ABCC11: variants seen among roughly 807,000 people sequenced by gnomAD.
The protein encoded by ABCC11 is ATP-binding cassette sub-family C member 11.
Under a neutral mutation model 149.3 loss-of-function variants are expected in ABCC11, and 135 were observed. The ratio of observed to expected loss-of-function variants is 0.90; its 90% CI spans 0.79 to 1.04. The LOEUF (loss-of-function observed/expected upper bound fraction) is 1.04, where lower values mean the gene tolerates loss of function less well. Among genes scored for constraint, ABCC11 ranks in the 50% least tolerant of loss-of-function variants. ABCC11 has a pLI of 0.00. For missense variants in ABCC11, 1,680 were observed against 1,722.1 expected (o/e 0.98, Z 0.43); for synonymous variants, 665 against 671.4 (o/e 0.99, Z 0.15).
chr16:48,212,025 C>T (rs985745009), intron 10 of ABCC11, among the ~76,000 whole-genome samples: 1 of 152,174 alleles, frequency 6.6e-6, no homozygotes, highest in African/African-American at 2.4e-5. Context: ...TCTGCCCCCT[C>T]CACAGGTGAA....
Position 48,170,087 on chromosome 16 carries a change from C to A in ABCC11, c.3891+18G>T, listed in dbSNP as rs756725975. 2 of 1,599,950 alleles carry A rather than the reference C, an allele frequency of 1.3e-6. No individual in the cohort carries two copies. Among genetic ancestry groups the A allele is most frequent in the Non-Finnish European group, 1.7e-6 (2 of 1,168,306 alleles). On this transcript the variant is annotated intron_variant, in intron 28 of 29. Coordinates refer to ENST00000356608, the MANE Select transcript of ABCC11 (RefSeq NM_001370497.1). Reference sequence around the variant, plus strand: ...TAGTCTGTGGCTTCCCCTGGCCACACGGCAGTGGTGGCCTCACCTTGGAGT... The same window carrying A: ...TAGTCTGTGGCTTCCCCTGGCCACAAGGCAGTGGTGGCCTCACCTTGGAGT...
At chr16:48,187,137 A>T (rs1413935913) in intron 21 of ABCC11, 47 bp from the exon 22 acceptor site, 1 of 1,613,754 alleles carries the variant, frequency 6.2e-7, no homozygotes, top group Non-Finnish European at 8.5e-7. Context: ...CACCTCTGGG[A>T]CCATCTAGTC....
chr16:48,181,210 C>T (rs140944324), intron 23 of ABCC11, among the ~76,000 whole-genome samples: 68 of 152,308 alleles, frequency 4.5e-4, no homozygotes, highest in African/African-American at 1.5e-3. Flanking sequence ...TGGTGCCTCT[C>T]CCTGAGAGTG....
intron 1 of ABCC11, among the ~76,000 whole-genome samples, chr16:48,243,923 C>T (rs1971161254): frequency 6.6e-6 from 1 of 152,112 alleles, no homozygotes; most frequent in African/African-American, 2.4e-5. Context: ...ACCCGGGAGG[C>T]AGAGGCTGCA....
intron 1 of ABCC11, among the ~76,000 whole-genome samples, chr16:48,238,794 A>G (rs896122237): frequency 1.3e-5 from 2 of 151,694 alleles, no homozygotes; most frequent in African/African-American, 2.4e-5. Flanking sequence ...AAAATTAGCC[A>G]GGCTTGGTGG....
intron 11 of ABCC11, chr16:48,209,773 G>A (rs965022408): frequency 3.3e-5 from 5 of 152,038 alleles, no homozygotes; most frequent in African/African-American, 4.8e-5. Context: ...CTAAAATCTC[G>A]ACTTCACCAC....
In ABCC11 at chr16:48,216,210, G is replaced by T. The variant is rs138005798; in HGVS notation, c.855C>A (p.Cys285Ter). 13 of 1,614,062 alleles carry T rather than the reference G, an allele frequency of 8.1e-6. No homozygotes were observed. Among genetic ancestry groups the T allele is most frequent in the South Asian group, 7.7e-5 (7 of 91,088 alleles). Reference sequence around the variant, plus strand: ...AAATGCTGCAGATGACCAGCGATGCGCAGGTGATCAGTACTAGGGGTCCAT... The same window carrying T: ...AAATGCTGCAGATGACCAGCGATGCTCAGGTGATCAGTACTAGGGGTCCAT... ...VCYGPLVLITCASLVICSISS... is the reference protein window; with the variant it reads ...VCYGPLVLIT Residue 285 changes from cysteine (C) to a stop codon, truncating the protein, a stop_gained, in exon 7 of 30, where the codon TGC becomes TGA. Transcript: ENST00000356608. LOFTEE classifies it high-confidence loss of function.
At position 48,167,297 on chromosome 16, in the gene ABCC11, TG is replaced by T; in HGVS notation, c.4125del (p.Thr1376GlnfsTer6). ...KPGSLFAALMATATSSLR is the reference protein window; with the variant it reads ...KPGSLFAALMXTATSSLR Reference sequence around the variant, plus strand: ...CCTTATCTCAGTGAAGAAGTGGCTGTGGCCATGAGGGCTGCGAACAATGACC... The same window carrying T: ...CCTTATCTCAGTGAAGAAGTGGCTGTGCCATGAGGGCTGCGAACAATGACC... On this transcript the variant is annotated frameshift_variant, in exon 30 of 30. Coordinates refer to ENST00000356608, the MANE Select transcript of ABCC11 (RefSeq NM_001370497.1). LOFTEE classifies it high-confidence loss of function. 1.2e-6 allele frequency: 1 copy of T among 842,890 alleles called. No homozygotes were observed. The highest frequency in any genetic ancestry group is 2.1e-6 in the Non-Finnish European group (1 of 475,380). 52.2% of individuals were successfully genotyped at this position (842,890 alleles called of 1,614,324 possible).
At chr16:48,210,513 G>C in intron 11 of ABCC11, 1 of 164,554 alleles carries the variant, frequency 6.1e-6, no homozygotes, top group Non-Finnish European at 1.3e-5. Flanking sequence ...GAGGAGGGGC[G>C]AAGAGGAGAC....
chr16:48,235,897 A>G (rs896921414), intron 1 of ABCC11, among the ~76,000 whole-genome samples: 2 of 152,106 alleles, frequency 1.3e-5, no homozygotes, highest in Non-Finnish European at 2.9e-5. Context: ...ACAGGAGGGG[A>G]GCCACTGGAG....
chr16:48,246,684 C>T (rs886080861), intron 1 of ABCC11, among the ~76,000 whole-genome samples: 4 of 152,144 alleles, frequency 2.6e-5, no homozygotes, highest in Admixed American at 2.0e-4. Context: ...AAGTGATCGT[C>T]CTGCCTCAGC....
In ABCC11 at chr16:48,205,311, G is replaced by GTTAAA; in HGVS notation, c.1805+101_1805+102insTTTAA. ...GAATATGATAATGCGTTTAAGTGGA[G>GTTAAA]CACACAAGTGTTAGCAGTTGTCAGG... On this transcript the variant is annotated intron_variant, in intron 13 of 29. Coordinates refer to ENST00000356608, the MANE Select transcript of ABCC11 (RefSeq NM_001370497.1). 2.0e-6 allele frequency: 3 copies of GTTAAA among 1,485,686 alleles called. No individual in the cohort carries two copies. The South Asian group carries it at 3.7e-5, about 18-fold the overall frequency. The allele number at this position is 1,485,686 out of a possible 1,614,324, so 92.0% of individuals were successfully genotyped here.
chr16:48,178,584 A>G lies in ABCC11; in HGVS notation c.3348+13T>C, dbSNP rs2150739824. The G allele has an allele frequency of 1.2e-6, 2 of 1,613,772 alleles. No individual in the cohort carries two copies. The highest frequency in any genetic ancestry group is 1.7e-6 in the Non-Finnish European group (2 of 1,179,832). ...GCATGGCTCCCCACACCAGACCCAG[A>G]CCTGAACCCCACCTTCATGTACTGC... On this transcript the variant is annotated intron_variant, in intron 24 of 29. Transcript: ENST00000356608.
Position 48,198,247 on chromosome 16 carries a change from A to G in ABCC11, c.2111T>C (p.Leu704Ser). 2 of 1,614,264 alleles carry G rather than the reference A, an allele frequency of 1.2e-6. No individual in the cohort carries two copies. ...TTCACAGATTTTCCCATTTTCCAAC[A>G]AAATGATCTGGCCACAAAATTCTAA... ...QYLEFCGQII[L>S]LENGKICENG... is the part of the protein sequence containing the mutation. Residue 704 changes from leucine (L) to serine (S), a missense_variant, in exon 16 of 30, where the codon TTG becomes TCG. Physicochemically the swap from Leu to Ser is moderately radical, Grantham distance 145 (BLOSUM62 -2). Coordinates refer to ENST00000356608, the MANE Select transcript of ABCC11 (RefSeq NM_001370497.1).
downstream of ABCC11, chr16:48,165,190 C>T (rs1797771362): frequency 2.0e-5 from 3 of 152,672 alleles, no homozygotes; most frequent in East Asian, 5.8e-4. Flanking sequence ...AGGAGAGTCA[C>T]CCTCAATGGG....
At chr16:48,196,170 G>T in intron 18 of ABCC11, 62 bp downstream of exon 18, 5 of 1,548,222 alleles carry the variant, frequency 3.2e-6, no homozygotes, top group South Asian at 1.1e-5. Context: ...GTTCCAATCT[G>T]ACCCAGTTCC....
intron 28 of ABCC11, 124 bp downstream of exon 28, chr16:48,169,981 T>C: frequency 3.1e-6 from 2 of 654,318 alleles, no homozygotes; most frequent in Non-Finnish European, 5.4e-6. Context: ...GTTGTTGTTG[T>C]TGTTAAGACG....
At chr16:48,167,412 C>T (rs1009406038) in intron 29 of ABCC11, 46 bp from the exon 30 acceptor site, 1 of 1,561,780 alleles carries the variant, frequency 6.4e-7, no homozygotes, top group Non-Finnish European at 8.8e-7. Context: ...CACAGCTGAG[C>T]TTGTGTCCTT....
At chr16:48,208,322 C>G (rs922719845) in intron 12 of ABCC11, 103 bp downstream of exon 12, 2 of 1,264,236 alleles carry the variant, frequency 1.6e-6, no homozygotes, top group African/African-American at 3.0e-5. Context: ...TGCTCAGACC[C>G]CTGTGAGGAA....
Sources: allele counts gnomAD v4.1 joint callset (sites outside exome capture counted in the v4.1 genomes callset), GRCh38; gene constraint gnomAD v4.1.1; transcripts MANE v1.5; gene names NCBI Gene and HGNC (gene_info 2026-07-23, HGNC 2026-07-21).